Variants in NAV2 observed in about 807,000 individuals in gnomAD.
NAV2 encodes the protein neuron navigator 2, also known as helicase, APC down-regulated 1.
NAV2 carries 54 observed loss-of-function variants against 223.2 expected under a neutral mutation model. That is an observed-to-expected ratio of 0.24 (90% CI 0.19 to 0.30). NAV2 has a LOEUF of 0.30. NAV2 is among the 10% of genes least tolerant of loss of function. The probability of loss-of-function intolerance (pLI) is 1.00; values close to 1 mark genes in which losing one functional copy is unlikely to be tolerated. For missense variants in NAV2, 2,806 were observed against 3,147.5 expected (o/e 0.89, Z 2.60); for synonymous variants, 1,279 against 1,239.3 (o/e 1.03, Z -0.67).
At chr11:19,709,546 CAAAAAAAA>C (rs3043492), upstream of NAV2, among the ~76,000 whole-genome samples, 4 of 63,156 alleles carry the variant, frequency 6.3e-5, no homozygotes, top group Non-Finnish European at 1.2e-4. Context: ...GACTCCGTCT[CAAAAAAAA>C]AAAAAAAAAA....
At chr11:19,408,249 T>C (rs1009813461) in intron 1 of NAV2, among the ~76,000 whole-genome samples, 2 of 152,126 alleles carry the variant, frequency 1.3e-5, no homozygotes, top group African/African-American at 4.8e-5. Flanking sequence ...TTGGCTTAGG[T>C]AATTGGAGAG....
chr11:19,382,718 AC>A, intron 1 of NAV2, among the ~76,000 whole-genome samples: 1 of 152,216 alleles, frequency 6.6e-6, no homozygotes. Flanking sequence ...TATAGGTAGA[AC>A]CCATTTCATC....
intron 1 of NAV2, among the ~76,000 whole-genome samples, chr11:19,697,781 G>A (rs1565176191): frequency 6.6e-6 from 1 of 152,186 alleles, no homozygotes; most frequent in East Asian, 1.9e-4. Context: ...TCAGAAGAGA[G>A]CAGGGAAGGT....
intron 3 of NAV2, among the ~76,000 whole-genome samples, chr11:19,862,276 T>C (rs1270052799): frequency 6.6e-6 from 1 of 152,172 alleles, no homozygotes; most frequent in African/African-American, 2.4e-5. Flanking sequence ...AACAGTATGG[T>C]GGATAACACT....
chr11:19,664,102 C>T (rs961077627), intron 1 of NAV2, among the ~76,000 whole-genome samples: 2 of 152,232 alleles, frequency 1.3e-5, no homozygotes, highest in Non-Finnish European at 2.9e-5. Context: ...CACAGCTATA[C>T]AGGTAGGGAA....
intron 10 of NAV2, among the ~76,000 whole-genome samples, chr11:19,968,292 G>A (rs2048940651): frequency 6.6e-6 from 1 of 152,200 alleles, no homozygotes; most frequent in African/African-American, 2.4e-5. Context: ...CCGCTCCTGG[G>A]TTCAAGCTCC....
intron 1 of NAV2, among the ~76,000 whole-genome samples, chr11:19,692,995 G>C (rs2049224964): frequency 6.6e-6 from 1 of 152,250 alleles, no homozygotes. Flanking sequence ...GCCTGCCCAG[G>C]CTCTACAGGG....
At chr11:19,511,682 A>G (rs1214429015) in intron 1 of NAV2, 1 of 152,232 alleles carries the variant, frequency 6.6e-6, no homozygotes, top group Non-Finnish European at 1.5e-5. Context: ...TTTCTCTGCC[A>G]GTCTCCGTCG....
At position 19,873,107 on chromosome 11, in the gene NAV2, T is replaced by A. The variant is rs78286590; in HGVS notation, c.511+4110T>A. 3.4e-3 allele frequency among the ~76,000 whole-genome samples: 514 copies of A among 152,264 alleles called. 5 individuals carry two copies. The highest frequency in any genetic ancestry group is 0.012 in the African/African-American group (493 of 41,558). On this transcript the variant is annotated intron_variant, in intron 4 of 37. Coordinates refer to ENST00000349880, the MANE Select transcript of NAV2 (RefSeq NM_145117.5). ...TGGCCCTGAGCCCATCCTCCTGCAA[T>A]GGAGAAATGGAGGTTGGGGAGTAAG...
intron 1 of NAV2, among the ~76,000 whole-genome samples, chr11:19,762,963 GT>G (rs949495899): frequency 1.3e-5 from 2 of 152,014 alleles, no homozygotes; most frequent in African/African-American, 4.8e-5. Context: ...GGGTCTTTTG[GT>G]TACCTGTCCT....
intron 6 of NAV2, among the ~76,000 whole-genome samples, chr11:19,895,356 T>A (rs1179194142): frequency 6.6e-6 from 1 of 152,072 alleles, no homozygotes; most frequent in Non-Finnish European, 1.5e-5. Flanking sequence ...GGATTGCAGG[T>A]GTGAGCCACT....
intron 1 of NAV2, among the ~76,000 whole-genome samples, chr11:19,378,859 G>C (rs1848735177): frequency 6.6e-6 from 1 of 152,244 alleles, no homozygotes; most frequent in Non-Finnish European, 1.5e-5. Flanking sequence ...AGCTCCCTGA[G>C]GGCAGGGGCT....
intron 3 of NAV2, among the ~76,000 whole-genome samples, chr11:19,854,401 C>T (rs977414906): frequency 2.6e-5 from 4 of 152,056 alleles, no homozygotes; most frequent in African/African-American, 9.7e-5. Context: ...AGTTGAGGTG[C>T]TTTTAAAACA....
chr11:19,591,491 C>A (rs556678692), intron 1 of NAV2, among the ~76,000 whole-genome samples: 1 of 152,292 alleles, frequency 6.6e-6, no homozygotes, highest in Admixed American at 6.5e-5. Context: ...AGATGACCAA[C>A]AAATCAATAT....
chr11:19,997,600 C>G (rs2052035804), intron 11 of NAV2, among the ~76,000 whole-genome samples: 1 of 152,112 alleles, frequency 6.6e-6, no homozygotes, highest in South Asian at 2.1e-4. Context: ...AGGAATTATC[C>G]ATATTTCACA....
At chr11:19,347,389 C>G (rs1383591218), upstream of NAV2, among the ~76,000 whole-genome samples, 1 of 152,178 alleles carries the variant, frequency 6.6e-6, no homozygotes, top group Non-Finnish European at 1.5e-5. Flanking sequence ...GGCTATATCT[C>G]CAAACCTGTC....
At chr11:19,438,173 T>C (rs1851276874) in intron 1 of NAV2, among the ~76,000 whole-genome samples, 1 of 152,254 alleles carries the variant, frequency 6.6e-6, no homozygotes, top group Non-Finnish European at 1.5e-5. Flanking sequence ...GAGTTCCCTG[T>C]GGCCTCATCG....
chr11:19,767,351 G>T (rs555861029), intron 1 of NAV2, among the ~76,000 whole-genome samples: 2 of 152,354 alleles, frequency 1.3e-5, no homozygotes, highest in African/African-American at 2.4e-5. Flanking sequence ...CAGGAGGTCA[G>T]ATGGTCTGGG....
In NAV2 at chr11:19,833,428, G is replaced by A. The variant is rs139658094; in HGVS notation, c.385+827G>A. Among the ~76,000 whole-genome samples, 33 of 152,328 alleles carry A rather than the reference G, an allele frequency of 2.2e-4. No individual in the cohort carries two copies. In the East Asian group the frequency reaches 5.0e-3, roughly 23 times the overall value. Reference sequence around the variant, plus strand: ...AGCTCTGCTCAAATCCGTGGAGTACGTACCTGAAAACACAGAAGGTTGGCC... The same window carrying A: ...AGCTCTGCTCAAATCCGTGGAGTACATACCTGAAAACACAGAAGGTTGGCC... On this transcript the variant is annotated intron_variant, in intron 2 of 37. Transcript: ENST00000349880.
Sources: gnomAD v4.1 joint callset for allele counts (sites outside exome capture counted in the v4.1 genomes callset) on GRCh38, gnomAD v4.1.1 for gene constraint, MANE v1.5 for transcripts, NCBI Gene and HGNC (gene_info 2026-07-23, HGNC 2026-07-21) for gene names.